KMT5B: variants seen among roughly 807,000 people sequenced by gnomAD.
KMT5B encodes histone-lysine N-methyltransferase KMT5B.
A neutral mutation model predicts 83.2 loss-of-function variants in KMT5B; 10 were observed. The observed-to-expected ratio is 0.12, with a 90% confidence interval of 0.07 to 0.20. The LOEUF is 0.20. Ranked by LOEUF, KMT5B falls within the 10% of genes least tolerant of loss-of-function variation. The pLI is 1.00. For synonymous variants in KMT5B, 349 were observed against 388.8 expected (o/e 0.90, Z 1.20); for missense variants, 753 against 1,067.2 (o/e 0.71, Z 4.10).
At chr11:68,200,177 A>AG (rs1223906833) in intron 1 of KMT5B, among the ~76,000 whole-genome samples, 1 of 152,222 alleles carries the variant, frequency 6.6e-6, no homozygotes, top group Non-Finnish European at 1.5e-5. Flanking sequence ...ATGGAATCAG[A>AG]TGAAATCTAG....
chr11:68,168,682 T>C (rs1223942253), intron 9 of KMT5B, among the ~76,000 whole-genome samples: 1 of 152,206 alleles, frequency 6.6e-6, no homozygotes, highest in African/African-American at 2.4e-5. Context: ...CTTATGAACA[T>C]ATTACAATTA....
chr11:68,179,833 G>T, intron 4 of KMT5B: 1 of 391,406 alleles, frequency 2.6e-6, no homozygotes, highest in Non-Finnish European at 4.4e-6. Flanking sequence ...TTCTTGACCT[G>T]AAAATAAACG....
intron 1 of KMT5B, among the ~76,000 whole-genome samples, chr11:68,190,853 T>C (rs1007408228): frequency 7.2e-5 from 11 of 152,288 alleles, no homozygotes; most frequent in Non-Finnish European, 1.6e-4. Flanking sequence ...CATAGTGGCA[T>C]GAGCCTGTGG....
intron 1 of KMT5B, among the ~76,000 whole-genome samples, chr11:68,194,671 T>C (rs1048608318): frequency 2.0e-5 from 3 of 152,320 alleles, no homozygotes; most frequent in Non-Finnish European, 4.4e-5. Context: ...TACATTCCAT[T>C]TTATATCCCT....
In KMT5B at chr11:68,157,605, C is replaced by G; in HGVS notation, c.*83G>C. On this transcript the variant is annotated 3_prime_UTR_variant, in exon 11 of 11. Coordinates refer to ENST00000304363, the MANE Select transcript of KMT5B (RefSeq NM_017635.5). ...TGAAGGGACAATAGAAGTGCTGCCA[C>G]TAAACTTTCAGTTGAGGAATAATTG... 6.8e-7 allele frequency: 1 copy of G among 1,481,362 alleles called. No individual in the cohort carries two copies. Among genetic ancestry groups the G allele is most frequent in the African/African-American group, 1.4e-5 (1 of 71,376 alleles). 91.8% of individuals were successfully genotyped at this position (1,481,362 alleles called of 1,614,324 possible). A position where few individuals can be genotyped will look rare whatever the true frequency, so the allele number is the denominator to read the frequency against.
intron 1 of KMT5B, chr11:68,212,464 G>A (rs777626067): frequency 5.3e-5 from 8 of 152,214 alleles, no homozygotes; most frequent in Non-Finnish European, 8.8e-5. Flanking sequence ...AACCCAAATA[G>A]ACTGAATTTC....
intron 1 of KMT5B, among the ~76,000 whole-genome samples, chr11:68,197,868 G>C (rs531100450): frequency 6.6e-5 from 10 of 152,252 alleles, no homozygotes; most frequent in African/African-American, 2.4e-4. Context: ...ACTGATAAAT[G>C]AAACATTTGT....
chr11:68,195,887 T>C (rs536151646), intron 1 of KMT5B, among the ~76,000 whole-genome samples: 79 of 152,362 alleles, frequency 5.2e-4, no homozygotes, highest in African/African-American at 1.8e-3. Flanking sequence ...CCAGGTGTGG[T>C]GGCTCATGCC....
intron 10 of KMT5B, 116 bp downstream of exon 10, chr11:68,166,866 A>G: frequency 1.3e-6 from 2 of 1,485,892 alleles, no homozygotes; most frequent in East Asian, 2.5e-5. Flanking sequence ...GCCAAAGCTC[A>G]CAAGTCCCAG....
chr11:68,180,866 T>C (rs1217283661), intron 3 of KMT5B, among the ~76,000 whole-genome samples: 1 of 152,218 alleles, frequency 6.6e-6, no homozygotes, highest in African/African-American at 2.4e-5. Flanking sequence ...AAGAAAACTT[T>C]AGGTTTCATA....
At chr11:68,202,498 C>G (rs1318646782) in intron 1 of KMT5B, among the ~76,000 whole-genome samples, 1 of 150,642 alleles carries the variant, frequency 6.6e-6, no homozygotes, top group Non-Finnish European at 1.5e-5. Context: ...ACTCACTACT[C>G]TGTGTAATTA....
At chr11:68,175,339 T>C (rs967746943) in intron 4 of KMT5B, among the ~76,000 whole-genome samples, 156 bp from the exon 5 acceptor site, 3 of 152,262 alleles carry the variant, frequency 2.0e-5, no homozygotes, top group African/African-American at 7.2e-5. Context: ...ATAGTCTTGA[T>C]TACTACTATT....
At chr11:68,207,902 C>T (rs987193305) in intron 1 of KMT5B, among the ~76,000 whole-genome samples, 18 of 150,916 alleles carry the variant, frequency 1.2e-4, no homozygotes, top group African/African-American at 3.2e-4. Flanking sequence ...TGCAGTGGCA[C>T]GATCTCTGCT....
At chr11:68,211,943 C>T (rs879833171) in intron 1 of KMT5B, among the ~76,000 whole-genome samples, 16 of 152,208 alleles carry the variant, frequency 1.1e-4, no homozygotes, top group Non-Finnish European at 1.9e-4. Flanking sequence ...CAGGGCCACA[C>T]CTCTGGTTCA....
At chr11:68,170,003 T>C (rs530711250) in intron 9 of KMT5B, among the ~76,000 whole-genome samples, 1 of 152,322 alleles carries the variant, frequency 6.6e-6, no homozygotes, top group South Asian at 2.1e-4. Context: ...GGTAGCACTG[T>C]GACTTGATGA....
At position 68,158,785 on chromosome 11, in the gene KMT5B, G is replaced by C; in HGVS notation, c.1561C>G (p.Pro521Ala). The C allele has an allele frequency of 6.2e-7, 1 of 1,614,148 alleles. No individual in the cohort carries two copies. The highest frequency in any genetic ancestry group is 8.5e-7 in the Non-Finnish European group (1 of 1,180,034). Reference sequence around the variant, plus strand: ...CCCTGCGAATGAGCACCTCTCACAGGATTCTGTCTGTGTTCTCTCGCCGCG... The same window carrying C: ...CCCTGCGAATGAGCACCTCTCACAGCATTCTGTCTGTGTTCTCTCGCCGCG... The part of the protein sequence containing the change: ...RHAAREHRQN[P>A]VRGAHSQGES... Residue 521 changes from proline (P) to alanine (A), a missense_variant, in exon 11 of 11, where the codon CCT (proline) becomes GCT (alanine). Coordinates refer to ENST00000304363, the MANE Select transcript of KMT5B (RefSeq NM_017635.5).
chr11:68,212,101 C>T (rs532614965), intron 1 of KMT5B, among the ~76,000 whole-genome samples: 1 of 152,124 alleles, frequency 6.6e-6, no homozygotes, highest in Non-Finnish European at 1.5e-5. Context: ...TACTAATTAT[C>T]AATATTATAG....
In KMT5B at chr11:68,157,924, G is replaced by A. The variant is rs1379731283; in HGVS notation, c.2422C>T (p.Leu808Phe). Residue 808 changes from leucine (L) to phenylalanine (F), a missense_variant, in exon 11 of 11, where the codon CTC (leucine) becomes TTC (phenylalanine). By Grantham distance (22) the Leu-to-Phe change is conservative (BLOSUM62 0). Transcript: ENST00000304363. Reference sequence around the variant, plus strand: ...TCCACCTCCATTCGAGACTCCAAGAGAGAAAGAGGATCACTGCAGCACACC... The same window carrying A: ...TCCACCTCCATTCGAGACTCCAAGAAAGAAAGAGGATCACTGCAGCACACC... ...NGVCCSDPLS[L>F]LESRMEVDDY... 1.9e-6 allele frequency: 3 copies of A among 1,614,088 alleles called. No individual in the cohort carries two copies. Among genetic ancestry groups the A allele is most frequent in the Non-Finnish European group, 2.5e-6 (3 of 1,179,980 alleles).
At chr11:68,189,833 G>A in intron 2 of KMT5B, 84 bp downstream of exon 2, 2 of 1,334,672 alleles carry the variant, frequency 1.5e-6, no homozygotes, top group Non-Finnish European at 2.0e-6. Context: ...TAAGACAAAA[G>A]AAAACAGAAT....
Sources: allele counts gnomAD v4.1 joint callset (sites outside exome capture counted in the v4.1 genomes callset), GRCh38; gene constraint gnomAD v4.1.1; transcripts MANE v1.5; gene names NCBI Gene and HGNC (gene_info 2026-07-23, HGNC 2026-07-21).